ABHD12: variants seen among roughly 807,000 people sequenced by gnomAD.
ABHD12 encodes lysophosphatidylserine lipase ABHD12.
In ABHD12, 43 loss-of-function variants were observed where a neutral mutation model predicts 58.3. The ratio of observed to expected loss-of-function variants is 0.74; its 90% CI spans 0.58 to 0.95. ABHD12 has a LOEUF of 0.95. Ranked by LOEUF, ABHD12 falls within the 40% of genes least tolerant of loss-of-function variation. ABHD12 has a pLI of 0.00. For synonymous variants in ABHD12, 219 were observed against 211.2 expected (o/e 1.04, Z -0.32); for missense variants, 539 against 537.2 (o/e 1.00, Z -0.03).
chr20:25,347,716 C>T (rs2146054100), intron 1 of ABHD12, among the ~76,000 whole-genome samples: 1 of 152,042 alleles, frequency 6.6e-6, no homozygotes. Context: ...GTGGTCCCAG[C>T]TACTTAGGAG....
downstream of ABHD12, chr20:25,297,430 C>G (rs942913231): frequency 2.6e-5 from 4 of 152,552 alleles, no homozygotes; most frequent in African/African-American, 9.6e-5. Context: ...CCGCTGACTC[C>G]TGCTGTGTCC....
intron 6 of ABHD12, among the ~76,000 whole-genome samples, chr20:25,311,736 G>A (rs575993359): frequency 5.0e-4 from 76 of 152,208 alleles, no homozygotes; most frequent in African/African-American, 1.5e-3. Flanking sequence ...ACAGGGTCTC[G>A]CTCTGTCACT....
intron 12 of ABHD12, chr20:25,295,074 C>T (rs370885611): frequency 6.9e-4 from 1,088 of 1,588,318 alleles, no homozygotes; most frequent in Middle Eastern, 9.9e-4. Context: ...CTCTGCATTT[C>T]GTGAAGTGTG....
chr20:25,346,569 C>T (rs907387164), intron 1 of ABHD12, among the ~76,000 whole-genome samples: 39 of 152,148 alleles, frequency 2.6e-4, no homozygotes, highest in African/African-American at 5.3e-4. Context: ...GTGGTAGGGG[C>T]GGGGCAGGAG....
chr20:25,294,873 G>A lies in ABHD12; in HGVS notation c.*100C>T, dbSNP rs552756292. 17 of 1,371,718 alleles carry A rather than the reference G, an allele frequency of 1.2e-5. No individual in the cohort carries two copies. In the East Asian group the frequency reaches 2.5e-4, roughly 20 times the overall value. The allele number at this position is 1,371,718 out of a possible 1,614,324, so 85.0% of individuals were successfully genotyped here. ...ACCGTTGGCAAAAGTTGAATCCGGC[G>A]AGGGCTGGGAATTCACCTGCCCTCC... On this transcript the variant is annotated 3_prime_UTR_variant, in exon 13 of 13. Transcript: ENST00000376542.
chr20:25,362,045 C>T (rs1395939117), intron 1 of ABHD12, among the ~76,000 whole-genome samples: 6 of 151,460 alleles, frequency 4.0e-5, no homozygotes, highest in African/African-American at 9.7e-5. Flanking sequence ...GAGATCGAGG[C>T]GGGTGGATCA....
chr20:25,313,578 AAAAAT>A (rs56792874), intron 6 of ABHD12, among the ~76,000 whole-genome samples: 8,744 of 131,566 alleles, frequency 0.066, 293 homozygotes, highest in South Asian at 0.075. Context: ...AATGATCAAT[AAAAAT>A]AAAATAAAAT....
At chr20:25,320,915 C>T (rs1473292659) in intron 3 of ABHD12, among the ~76,000 whole-genome samples, 1 of 152,192 alleles carries the variant, frequency 6.6e-6, no homozygotes, top group East Asian at 1.9e-4. Flanking sequence ...GCCAAACCCT[C>T]CTTCAGAGAG....
intron 1 of ABHD12, among the ~76,000 whole-genome samples, 178 bp downstream of exon 1, chr20:25,390,335 G>A (rs1166584383): frequency 6.6e-6 from 1 of 152,118 alleles, no homozygotes; most frequent in Non-Finnish European, 1.5e-5. Flanking sequence ...GGGGAAGGGA[G>A]CGGGGGTGGG....
chr20:25,326,368 T>G (rs1039344889), intron 2 of ABHD12, among the ~76,000 whole-genome samples: 2 of 152,196 alleles, frequency 1.3e-5, no homozygotes, highest in African/African-American at 4.8e-5. Flanking sequence ...GCCTCATAAC[T>G]TGTCTATACA....
chr20:25,360,828 A>C (rs1006563240), intron 1 of ABHD12, among the ~76,000 whole-genome samples: 3 of 152,188 alleles, frequency 2.0e-5, no homozygotes, highest in African/African-American at 7.2e-5. Context: ...TCAGGCGGAC[A>C]ACTGGAAAAA....
intron 1 of ABHD12, 63 bp downstream of exon 1, chr20:25,390,450 G>A: frequency 1.5e-6 from 2 of 1,358,620 alleles, no homozygotes; most frequent in Non-Finnish European, 1.9e-6. Context: ...CCCCCTGCGG[G>A]ACGCACCTGC....
At chr20:25,368,191 T>G (rs2089849912) in intron 1 of ABHD12, 1 of 1,119,106 alleles carries the variant, frequency 8.9e-7, no homozygotes, top group South Asian at 1.4e-5. Context: ...TCTAGGATAC[T>G]GAGAGCAAAT....
At chr20:25,296,128 G>A (rs548875910), downstream of ABHD12, among the ~76,000 whole-genome samples, 9 of 152,216 alleles carry the variant, frequency 5.9e-5, no homozygotes, top group South Asian at 1.9e-3. Context: ...GCCCTAGCAG[G>A]AATTTTCGAG....
chr20:25,354,640 C>A (rs923493049), intron 1 of ABHD12, among the ~76,000 whole-genome samples: 3 of 152,080 alleles, frequency 2.0e-5, no homozygotes, highest in African/African-American at 7.2e-5. Flanking sequence ...TCCCCATTTA[C>A]ACAACCACAG....
chr20:25,379,316 G>A (rs1026161438), intron 1 of ABHD12, among the ~76,000 whole-genome samples: 2 of 152,158 alleles, frequency 1.3e-5, no homozygotes, highest in Non-Finnish European at 2.9e-5. Flanking sequence ...CTCAGACTGC[G>A]CCCACGTGGG....
At chr20:25,307,226 C>T (rs1365057586) in intron 9 of ABHD12, among the ~76,000 whole-genome samples, 1 of 152,232 alleles carries the variant, frequency 6.6e-6, no homozygotes, top group African/African-American at 2.4e-5. Flanking sequence ...ACCCCAGAAA[C>T]CAGTCTTCCC....
At chr20:25,297,236 G>C (rs1675969344), downstream of ABHD12, 1 of 152,294 alleles carries the variant, frequency 6.6e-6, no homozygotes, top group Admixed American at 6.5e-5. Context: ...AGAGGCCTTG[G>C]TCAGGATGAA....
intron 1 of ABHD12, among the ~76,000 whole-genome samples, chr20:25,384,817 T>TG (rs771651169): frequency 3.9e-5 from 6 of 152,192 alleles, no homozygotes; most frequent in Non-Finnish European, 5.9e-5. Context: ...CTGGCCACTC[T>TG]GGGACCACAT....
Sources: allele counts gnomAD v4.1 joint callset (sites outside exome capture counted in the v4.1 genomes callset), GRCh38; gene constraint gnomAD v4.1.1; transcripts MANE v1.5; gene names NCBI Gene and HGNC (gene_info 2026-07-23, HGNC 2026-07-21).